ATP8A2: variants seen among roughly 807,000 people sequenced by gnomAD.
ATP8A2 encodes the protein ATPase phospholipid transporting 8A2.
In ATP8A2, 100 loss-of-function variants were observed where a neutral mutation model predicts 165.6. The observed-to-expected ratio is 0.60, with a 90% CI of 0.51 to 0.71. ATP8A2 has a LOEUF of 0.71. Ranked by LOEUF, ATP8A2 falls within the 30% of genes least tolerant of loss-of-function variation. The probability of loss-of-function intolerance (pLI) is 0.00; values close to 1 mark genes in which losing one functional copy is unlikely to be tolerated. For missense variants in ATP8A2, 1,227 were observed against 1,479.5 expected (o/e 0.83, Z 2.80); for synonymous variants, 543 against 548.8 (o/e 0.99, Z 0.15).
intron 24 of ATP8A2, among the ~76,000 whole-genome samples, chr13:25,687,463 A>C (rs1468524949): frequency 6.8e-6 from 1 of 147,858 alleles, no homozygotes; most frequent in Non-Finnish European, 1.5e-5. Context: ...AGCAGCTCTC[A>C]GTGTTCCAGG....
intron 1 of ATP8A2, among the ~76,000 whole-genome samples, chr13:25,379,519 TG>T (rs2032760533): frequency 6.6e-6 from 1 of 152,230 alleles, no homozygotes; most frequent in South Asian, 2.1e-4. Context: ...TACTGCACCA[TG>T]GGATCAGGCC....
At chr13:25,902,238 G>A (rs44969) in intron 33 of ATP8A2, among the ~76,000 whole-genome samples, 44,562 of 152,058 alleles carry the variant, frequency 0.29, 7,666 homozygotes, top group African/African-American at 0.47. Flanking sequence ...AGAAGACATT[G>A]TCTACTTCGG....
At chr13:25,573,867 A>AAAGAG (rs2039539843) in intron 18 of ATP8A2, among the ~76,000 whole-genome samples, 2 of 152,214 alleles carry the variant, frequency 1.3e-5, no homozygotes, top group Admixed American at 1.3e-4. Flanking sequence ...TGTAGGATGC[A>AAAGAG]AAGAGAAGGA....
rs180782703 is a variant in ATP8A2 at position 25,388,340 on chromosome 13, C to A, written c.76+16052C>A. On this transcript the variant is annotated intron_variant, in intron 1 of 36. Coordinates refer to ENST00000381655, the MANE Select transcript of ATP8A2 (RefSeq NM_016529.6). ...TCAGTGTAGCAGGACAAGCCGCAGA[C>A]AAAACCCCTCAGACACTGAGTTAAA... Among the ~76,000 whole-genome samples the A allele has an allele frequency of 5.5e-4, 84 of 152,228 alleles. No homozygotes were observed. The East Asian group carries it at 0.016, about 28-fold the overall frequency.
intron 1 of ATP8A2, among the ~76,000 whole-genome samples, chr13:25,445,620 T>G (rs1005709861): frequency 1.3e-5 from 2 of 152,248 alleles, no homozygotes; most frequent in African/African-American, 2.4e-5. Context: ...CTTACTATGC[T>G]TCTTAAATAG....
At chr13:25,381,022 C>T (rs2137924189) in intron 1 of ATP8A2, among the ~76,000 whole-genome samples, 1 of 152,242 alleles carries the variant, frequency 6.6e-6, no homozygotes, top group South Asian at 2.1e-4. Flanking sequence ...TGAAAATGAA[C>T]TGGGTCATGG....
chr13:25,745,742 A>T (rs1363711137), intron 25 of ATP8A2, among the ~76,000 whole-genome samples: 1 of 152,226 alleles, frequency 6.6e-6, no homozygotes, highest in Non-Finnish European at 1.5e-5. Context: ...AAAGGCCAGG[A>T]TTGGTTTCTA....
intron 25 of ATP8A2, among the ~76,000 whole-genome samples, chr13:25,746,998 T>A (rs972084748): frequency 6.6e-6 from 1 of 152,236 alleles, no homozygotes; most frequent in African/African-American, 2.4e-5. Context: ...ATGGTCGTTC[T>A]GTCCTGCGAG....
chr13:25,454,375 TC>T (rs2035306950), intron 1 of ATP8A2, among the ~76,000 whole-genome samples: 1 of 151,928 alleles, frequency 6.6e-6, no homozygotes, highest in South Asian at 2.1e-4. Flanking sequence ...ACTCAGGTCC[TC>T]TGCCGAGCAG....
At chr13:25,599,272 C>A (rs542060142) in intron 24 of ATP8A2, among the ~76,000 whole-genome samples, 23 of 152,344 alleles carry the variant, frequency 1.5e-4, no homozygotes, top group African/African-American at 5.5e-4. Flanking sequence ...CCAGCATTCT[C>A]TAACATTCTT....
At chr13:25,850,146 G>A (rs9581466) in intron 30 of ATP8A2, among the ~76,000 whole-genome samples, 23,332 of 152,082 alleles carry the variant, frequency 0.15, 1,946 homozygotes, top group Non-Finnish European at 0.18. Context: ...GTCTAGTTCC[G>A]GTAAATGCCA....
At chr13:25,564,727 G>C (rs1351030888) in intron 16 of ATP8A2, among the ~76,000 whole-genome samples, 4 of 152,034 alleles carry the variant, frequency 2.6e-5, no homozygotes, top group Admixed American at 6.6e-5. Flanking sequence ...AAATTGTATT[G>C]AGGAACAGGT....
At chr13:25,954,477 C>T (rs977219618) in intron 33 of ATP8A2, among the ~76,000 whole-genome samples, 27 of 152,196 alleles carry the variant, frequency 1.8e-4, no homozygotes, top group Non-Finnish European at 3.2e-4. Flanking sequence ...AACAGAGCAG[C>T]GGACCTCCCA....
chr13:25,744,140 G>A (rs1039401302), intron 25 of ATP8A2, among the ~76,000 whole-genome samples: 1 of 152,282 alleles, frequency 6.6e-6, no homozygotes, highest in Non-Finnish European at 1.5e-5. Context: ...GAAATTCAGC[G>A]TGAATTTTCT....
intron 28 of ATP8A2, among the ~76,000 whole-genome samples, chr13:25,832,762 C>T (rs4384469): frequency 0.012 from 1,838 of 152,214 alleles, 43 homozygotes; most frequent in African/African-American, 0.039. Flanking sequence ...AATTCTGAAA[C>T]GGTTTCATTT....
chr13:25,742,952 T>C (rs1265360536), intron 25 of ATP8A2, among the ~76,000 whole-genome samples: 3 of 152,078 alleles, frequency 2.0e-5, no homozygotes, highest in Admixed American at 2.0e-4. Flanking sequence ...AGGGGATTTA[T>C]TGAAGAGGTG....
intron 33 of ATP8A2, among the ~76,000 whole-genome samples, chr13:25,916,943 T>C (rs1008918409): frequency 4.6e-5 from 7 of 152,212 alleles, no homozygotes; most frequent in Non-Finnish European, 1.0e-4. Context: ...TGCTGAGTCC[T>C]AGATAATATC....
chr13:25,740,382 AT>A (rs2043885503), intron 25 of ATP8A2, among the ~76,000 whole-genome samples: 1 of 151,798 alleles, frequency 6.6e-6, no homozygotes, highest in African/African-American at 2.4e-5. Context: ...TTTATTTTTC[AT>A]TTCCAAAATT....
intron 33 of ATP8A2, among the ~76,000 whole-genome samples, chr13:25,956,096 A>G (rs1955512054): frequency 6.6e-6 from 1 of 152,188 alleles, no homozygotes; most frequent in South Asian, 2.1e-4. Context: ...AAAAACTCTC[A>G]ATAAACTAGG....
Sources: gnomAD v4.1 joint callset for allele counts (sites outside exome capture counted in the v4.1 genomes callset) on GRCh38, gnomAD v4.1.1 for gene constraint, MANE v1.5 for transcripts, NCBI Gene and HGNC (gene_info 2026-07-23, HGNC 2026-07-21) for gene names.